The following CSMD1 variants were observed in gnomAD, a reference collection of about 807,000 sequenced individuals.
CSMD1 encodes the protein CUB and sushi domain-containing protein 1.
A neutral mutation model predicts 417.5 loss-of-function variants in CSMD1; 213 were observed. The observed-to-expected ratio is 0.51, with a 90% CI of 0.46 to 0.57. The LOEUF is 0.57. Among genes scored for constraint, CSMD1 ranks in the 20% least tolerant of loss-of-function variants. The probability of loss-of-function intolerance (pLI) is 0.00; values close to 1 mark genes in which losing one functional copy is unlikely to be tolerated. For synonymous variants in CSMD1, 2,862 were observed against 1,736.8 expected (o/e 1.65, Z -16.11); for missense variants, 6,923 against 4,529.7 (o/e 1.53, Z -15.17).
chr8:4,912,977 T>A (rs1395984318), intron 1 of CSMD1, among the ~76,000 whole-genome samples: 2 of 152,116 alleles, frequency 1.3e-5, no homozygotes, highest in Admixed American at 1.3e-4. Flanking sequence ...TTAGTAGAGA[T>A]GGGGTTTTAC....
intron 1 of CSMD1, among the ~76,000 whole-genome samples, chr8:4,759,924 A>T (rs181714090): frequency 4.6e-5 from 7 of 152,308 alleles, no homozygotes; most frequent in Admixed American, 4.6e-4. Context: ...TTGGGTATAT[A>T]CCTAAACATG....
intron 1 of CSMD1, among the ~76,000 whole-genome samples, chr8:4,860,096 T>A (rs559019840): frequency 2.6e-4 from 40 of 151,618 alleles, no homozygotes; most frequent in African/African-American, 9.2e-4. Context: ...AAATGATGAG[T>A]TCACGTCCTT....
rs368111589 is a variant in CSMD1, at chr8:4,056,699, C to T, written c.416-24600G>A. Among the ~76,000 whole-genome samples, 30 of 152,052 alleles carry T rather than the reference C, an allele frequency of 2.0e-4. No individual in the cohort carries two copies. The East Asian group carries it at 5.3e-3, about 27-fold the overall frequency. On this transcript the variant is annotated intron_variant, in intron 3 of 69. Coordinates refer to ENST00000635120, the MANE Select transcript of CSMD1 (RefSeq NM_033225.6). ...ATCCCTCCCCACTCCCCCCACCCCA[C>T]AACAGGCCCTGGTGTGTGATGTACC...
At chr8:3,655,261 T>G (rs972126783) in intron 7 of CSMD1, among the ~76,000 whole-genome samples, 2 of 152,202 alleles carry the variant, frequency 1.3e-5, no homozygotes, top group Non-Finnish European at 2.9e-5. Flanking sequence ...AAGGCAAGAA[T>G]TTAAGACCCA....
intron 3 of CSMD1, among the ~76,000 whole-genome samples, chr8:4,236,890 A>C (rs1802098730): frequency 6.6e-6 from 1 of 152,196 alleles, no homozygotes; most frequent in African/African-American, 2.4e-5. Context: ...CAATGGTATA[A>C]ATTCAATTTC....
At chr8:4,611,499 A>T (rs1176952354) in intron 2 of CSMD1, among the ~76,000 whole-genome samples, 1 of 152,262 alleles carries the variant, frequency 6.6e-6, no homozygotes, top group Non-Finnish European at 1.5e-5. Context: ...TAGATATAAA[A>T]CTTGTGGATA....
At chr8:3,154,265 G>A (rs1215613055) in intron 39 of CSMD1, among the ~76,000 whole-genome samples, 1 of 152,210 alleles carries the variant, frequency 6.6e-6, no homozygotes, top group African/African-American at 2.4e-5. Flanking sequence ...GAGCCACTGT[G>A]CCCAGCCCTT....
chr8:3,083,649 T>TATATATATATATATA (rs58461366), intron 49 of CSMD1, among the ~76,000 whole-genome samples: 6 of 11,204 alleles, frequency 5.4e-4, no homozygotes, highest in Non-Finnish European at 6.4e-4. Context: ...TATATATATA[T>TATATATATATATATA]TTTTTTTTTT....
At chr8:4,166,972 C>G (rs1237027846) in intron 3 of CSMD1, among the ~76,000 whole-genome samples, 1 of 152,164 alleles carries the variant, frequency 6.6e-6, no homozygotes, top group Non-Finnish European at 1.5e-5. Context: ...GCTGAAGGCA[C>G]TGTGCTTTCT....
intron 6 of CSMD1, among the ~76,000 whole-genome samples, chr8:3,733,671 C>G (rs762737214): frequency 6.6e-6 from 1 of 152,116 alleles, no homozygotes; most frequent in Admixed American, 6.5e-5. Flanking sequence ...CACCGCCTGC[C>G]TGGAGTTGGG....
Position 4,730,568 on chromosome 8 carries a change from G to C in CSMD1, c.86-93010C>G, listed in dbSNP as rs182466113. On this transcript the variant is annotated intron_variant, in intron 1 of 69. Coordinates refer to ENST00000635120, the MANE Select transcript of CSMD1 (RefSeq NM_033225.6). ...ATCCTGGCTAACACGGTGAAACTCC[G>C]TCTCTACTAAAAATACAAAAAAATT... Among the ~76,000 whole-genome samples the C allele has an allele frequency of 2.2e-4, 33 of 151,980 alleles. 1 individual carries two copies. The highest frequency in any genetic ancestry group is 3.4e-3 in the Middle Eastern group (1 of 294).
intron 5 of CSMD1, among the ~76,000 whole-genome samples, chr8:3,969,381 A>T (rs867062360): frequency 6.6e-6 from 1 of 152,164 alleles, no homozygotes; most frequent in Non-Finnish European, 1.5e-5. Context: ...GCTGAAAAAC[A>T]TTGCTCCAAT....
At chr8:3,521,201 C>A (rs1485353761) in intron 10 of CSMD1, among the ~76,000 whole-genome samples, 4 of 152,202 alleles carry the variant, frequency 2.6e-5, no homozygotes, top group African/African-American at 9.7e-5. Flanking sequence ...ACACCCACCA[C>A]CCTTGCTTAA....
At chr8:4,964,048 G>C (rs893956052) in intron 1 of CSMD1, among the ~76,000 whole-genome samples, 1 of 152,004 alleles carries the variant, frequency 6.6e-6, no homozygotes, top group Non-Finnish European at 1.5e-5. Flanking sequence ...TTGATAGCTG[G>C]GTGAATCTGG....
chr8:3,226,736 C>A (rs1427767952), intron 27 of CSMD1, among the ~76,000 whole-genome samples: 2 of 151,996 alleles, frequency 1.3e-5, no homozygotes, highest in Non-Finnish European at 2.9e-5. Flanking sequence ...CCAAGCAACA[C>A]TCAAGAAAAA....
chr8:3,994,229 G>C (rs1252862558), intron 5 of CSMD1, among the ~76,000 whole-genome samples: 1 of 149,414 alleles, frequency 6.7e-6, no homozygotes, highest in South Asian at 2.1e-4. Flanking sequence ...GTCACAGAAG[G>C]GTATGGAAGC....
chr8:3,327,424 C>G (rs572940826), intron 23 of CSMD1, among the ~76,000 whole-genome samples: 1 of 152,174 alleles, frequency 6.6e-6, no homozygotes, highest in Non-Finnish European at 1.5e-5. Context: ...TGAGCCACCT[C>G]GTCCGGCCTA....
intron 30 of CSMD1, among the ~76,000 whole-genome samples, chr8:3,210,567 C>A (rs918775982): frequency 2.7e-5 from 2 of 75,262 alleles, no homozygotes; most frequent in South Asian, 8.2e-4. Flanking sequence ...ATGTATAATT[C>A]CTATACATAT....
chr8:4,756,310 G>T (rs946116182), intron 1 of CSMD1, among the ~76,000 whole-genome samples: 1 of 152,066 alleles, frequency 6.6e-6, no homozygotes, highest in African/African-American at 2.4e-5. Context: ...TTTAAATATT[G>T]AAGATTTCCA....
Sources: allele counts gnomAD v4.1 joint callset (sites outside exome capture counted in the v4.1 genomes callset), GRCh38; gene constraint gnomAD v4.1.1; transcripts MANE v1.5; gene names NCBI Gene and HGNC (gene_info 2026-07-23, HGNC 2026-07-21).